PPP1R9A: variants seen among roughly 807,000 people sequenced by gnomAD.
PPP1R9A encodes the protein protein phosphatase 1 regulatory subunit 9A.
Under a neutral mutation model 141.9 loss-of-function variants are expected in PPP1R9A, and 59 were observed. The observed-to-expected ratio is 0.42, with a 90% CI of 0.34 to 0.52. The LOEUF is 0.52. Ranked by LOEUF, PPP1R9A falls within the 20% of genes least tolerant of loss-of-function variation. PPP1R9A has a pLI of 0.10. For synonymous variants in PPP1R9A, 500 were observed against 569.7 expected (o/e 0.88, Z 1.74); for missense variants, 1,444 against 1,611.9 (o/e 0.90, Z 1.78).
At chr7:95,103,807 T>C (rs1819145318) in intron 2 of PPP1R9A, among the ~76,000 whole-genome samples, 1 of 152,222 alleles carries the variant, frequency 6.6e-6, no homozygotes, top group Non-Finnish European at 1.5e-5. Flanking sequence ...TGAAAAACCG[T>C]GGGAACTCTC....
At chr7:95,015,249 TACACAC>T (rs144153873) in intron 2 of PPP1R9A, among the ~76,000 whole-genome samples, 5 of 150,072 alleles carry the variant, frequency 3.3e-5, no homozygotes, top group Admixed American at 2.0e-4. Context: ...CACACACACA[TACACAC>T]ACACATACAT....
Position 95,292,102 on chromosome 7 carries a change from A to G in PPP1R9A, c.*1799A>G, listed in dbSNP as rs548729749. 2.0e-5 allele frequency: 3 copies of G among 152,214 alleles called. No homozygotes were observed. Among genetic ancestry groups the G allele is most frequent in the South Asian group, 2.1e-4 (1 of 4,810 alleles). 9.4% of individuals were successfully genotyped at this position (152,214 alleles called of 1,614,324 possible). On this transcript the variant is annotated 3_prime_UTR_variant, in exon 20 of 20. Coordinates refer to ENST00000433360, the MANE Select transcript of PPP1R9A (RefSeq NM_001166160.2). ...CTCAGAAACGTTGACATGAAGTAAC[A>G]TTGTGTTTTACAGTTATCAAAGTCA...
intron 2 of PPP1R9A, among the ~76,000 whole-genome samples, chr7:95,057,205 TGG>T (rs1382257801): frequency 6.6e-6 from 1 of 152,108 alleles, no homozygotes; most frequent in African/African-American, 2.4e-5. Context: ...TCACATAATT[TGG>T]GGGATTTCAA....
rs1034085032 is a variant in PPP1R9A at position 95,294,214 on chromosome 7, A to G, written c.*3911A>G. Reference sequence around the variant, plus strand: ...TTTATTAAGGATGTACCTGTGCACTATTCTAAAGCTAAGCATTTAAGGATA... The same window carrying G: ...TTTATTAAGGATGTACCTGTGCACTGTTCTAAAGCTAAGCATTTAAGGATA... On this transcript the variant is annotated 3_prime_UTR_variant, in exon 20 of 20. Transcript: ENST00000433360. The G allele has an allele frequency of 6.6e-6, 1 of 151,292 alleles. No individual in the cohort carries two copies. Among genetic ancestry groups the G allele is most frequent in the Non-Finnish European group, 1.5e-5 (1 of 67,930 alleles). The allele number at this position is 151,292 out of a possible 1,614,324, so 9.4% of individuals were successfully genotyped here. A position where few individuals can be genotyped will look rare whatever the true frequency, so the allele number is the denominator to read the frequency against.
At chr7:95,184,701 A>G (rs1405442905) in intron 5 of PPP1R9A, among the ~76,000 whole-genome samples, 2 of 152,140 alleles carry the variant, frequency 1.3e-5, no homozygotes, top group Non-Finnish European at 2.9e-5. Flanking sequence ...CCCACATATA[A>G]GTGAGAACAT....
In PPP1R9A at chr7:95,289,965, G is replaced by A. The variant is rs1225237463; in HGVS notation, c.3913-126G>A. 7 of 1,444,694 alleles carry A rather than the reference G, an allele frequency of 4.8e-6. No homozygotes were observed. The African/African-American group carries it at 5.7e-5, about 12-fold the overall frequency. The allele number at this position is 1,444,694 out of a possible 1,614,324, so 89.5% of individuals were successfully genotyped here. A position where few individuals can be genotyped will look rare whatever the true frequency, so the allele number is the denominator to read the frequency against. ...TGTTGGTTTTTAGCAAATGTAACTA[G>A]TTCTTCCTCTGTTCTTACCTCTTCA... On this transcript the variant is annotated intron_variant, in intron 19 of 19. Coordinates refer to ENST00000433360, the MANE Select transcript of PPP1R9A (RefSeq NM_001166160.2).
At chr7:94,909,246 C>A (rs1339754563) in intron 1 of PPP1R9A, among the ~76,000 whole-genome samples, 2 of 152,166 alleles carry the variant, frequency 1.3e-5, no homozygotes, top group African/African-American at 4.8e-5. Context: ...TTAATAATAA[C>A]CACTGTTAGG....
intron 8 of PPP1R9A, among the ~76,000 whole-genome samples, chr7:95,232,566 A>G (rs1055966117): frequency 6.6e-6 from 1 of 152,196 alleles, no homozygotes; most frequent in African/African-American, 2.4e-5. Context: ...AAAAGAAACT[A>G]TTATCAGAGT....
At chr7:95,205,000 TACACACCACAC>T (rs989317089) in intron 7 of PPP1R9A, among the ~76,000 whole-genome samples, 2 of 137,514 alleles carry the variant, frequency 1.5e-5, no homozygotes, top group African/African-American at 5.4e-5. Context: ...GCACACACCA[TACACACCACAC>T]ACACGCCACA....
chr7:94,927,139 C>G (rs1254919232), intron 2 of PPP1R9A, among the ~76,000 whole-genome samples: 1 of 151,958 alleles, frequency 6.6e-6, no homozygotes, highest in African/African-American at 2.4e-5. Context: ...TCTGCATTTT[C>G]TTTTTAAATG....
At chr7:95,232,447 A>G (rs1486450507) in intron 8 of PPP1R9A, among the ~76,000 whole-genome samples, 1 of 152,206 alleles carries the variant, frequency 6.6e-6, no homozygotes, top group Non-Finnish European at 1.5e-5. Context: ...AATACCATTC[A>G]GGACACAAGC....
intron 2 of PPP1R9A, among the ~76,000 whole-genome samples, chr7:95,099,818 A>T (rs1818518733): frequency 6.6e-6 from 1 of 152,126 alleles, no homozygotes; most frequent in Admixed American, 6.6e-5. Context: ...AAATTAAAAT[A>T]AAAAAATACT....
intron 2 of PPP1R9A, among the ~76,000 whole-genome samples, chr7:95,089,196 C>T (rs1184268734): frequency 6.6e-6 from 1 of 152,020 alleles, no homozygotes; most frequent in Non-Finnish European, 1.5e-5. Flanking sequence ...CAAATTAGTA[C>T]TCCAGCTACT....
intron 4 of PPP1R9A, among the ~76,000 whole-genome samples, chr7:95,144,371 C>G (rs1031525400): frequency 1.3e-5 from 2 of 152,082 alleles, no homozygotes; most frequent in African/African-American, 4.8e-5. Context: ...TGTGTAAAAT[C>G]ACATTTTCTT....
chr7:95,193,451 C>G (rs569618188), intron 5 of PPP1R9A, among the ~76,000 whole-genome samples: 1 of 151,846 alleles, frequency 6.6e-6, no homozygotes, highest in African/African-American at 2.4e-5. Context: ...ATTGAGAAAG[C>G]GAAGCTGTGA....
intron 2 of PPP1R9A, among the ~76,000 whole-genome samples, chr7:94,977,611 C>G (rs1436748549): frequency 6.6e-6 from 1 of 151,948 alleles, no homozygotes; most frequent in Admixed American, 6.6e-5. Flanking sequence ...ATTAACAAGT[C>G]AGACTGTTTA....
intron 2 of PPP1R9A, among the ~76,000 whole-genome samples, chr7:94,996,584 G>T (rs1024604682): frequency 2.6e-5 from 4 of 152,072 alleles, no homozygotes; most frequent in African/African-American, 9.7e-5. Context: ...AAAAATTTGG[G>T]AAATTATTGG....
chr7:95,066,301 A>G (rs1812942526), intron 2 of PPP1R9A, among the ~76,000 whole-genome samples: 1 of 152,184 alleles, frequency 6.6e-6, no homozygotes, highest in Admixed American at 6.5e-5. Context: ...GCATTCTTGC[A>G]CTTCCAGCCT....
intron 2 of PPP1R9A, among the ~76,000 whole-genome samples, chr7:94,920,703 G>A (rs2150710526): frequency 6.6e-6 from 1 of 152,276 alleles, no homozygotes; most frequent in East Asian, 1.9e-4. Context: ...AATATATAGG[G>A]CTAGATTCGG....
Sources: gnomAD v4.1 joint callset for allele counts (sites outside exome capture counted in the v4.1 genomes callset) on GRCh38, gnomAD v4.1.1 for gene constraint, MANE v1.5 for transcripts, NCBI Gene and HGNC (gene_info 2026-07-23, HGNC 2026-07-21) for gene names.